The following EXOSC1 variants were observed in gnomAD, a reference collection of about 807,000 sequenced individuals.
EXOSC1 encodes exosome complex component CSL4.
Under a neutral mutation model 31.4 loss-of-function variants are expected in EXOSC1, and 27 were observed. The ratio of observed to expected loss-of-function variants is 0.86; its 90% CI spans 0.63 to 1.18. The LOEUF (loss-of-function observed/expected upper bound fraction) is 1.18. Among genes scored for constraint, EXOSC1 ranks in the 50% most tolerant of loss-of-function variants. The probability of loss-of-function intolerance (pLI) is 0.00; values close to 1 mark genes in which losing one functional copy is unlikely to be tolerated. For missense variants in EXOSC1, 228 were observed against 250.3 expected (o/e 0.91, Z 0.60); for synonymous variants, 84 against 89.5 (o/e 0.94, Z 0.35).
At chr10:97,440,932 G>A (rs779859859) in intron 4 of EXOSC1, 2 of 330,402 alleles carry the variant, frequency 6.1e-6, no homozygotes, top group Non-Finnish European at 1.1e-5. Flanking sequence ...GATAACAGGC[G>A]TGAGCCACCG....
At chr10:97,438,168 T>C (rs1845606037) in intron 5 of EXOSC1, among the ~76,000 whole-genome samples, 1 of 152,078 alleles carries the variant, frequency 6.6e-6, no homozygotes, top group South Asian at 2.1e-4. Context: ...CCGCCCACCT[T>C]GGCCTCCCAA....
rs763331706 is a variant in EXOSC1 at position 97,437,736 on chromosome 10, CTT to C, written c.358_359del (p.Lys120GlufsTer6). Reference protein sequence around the residue: ...ATEKDKVEIYKSFRPGDIVLA... With the variant: ...ATEKDKVEIYXSFRPGDIVLA... Reference sequence around the variant, plus strand: ...AGACAATGTCACCTGGGCGGAAACTCTTATAAATTTCAACCTGTAAAGAAAGA... The same window carrying C: ...AGACAATGTCACCTGGGCGGAAACTCATAAATTTCAACCTGTAAAGAAAGA... On this transcript the variant is annotated frameshift_variant, in exon 6 of 8. Transcript: ENST00000370902. LOFTEE classifies it high-confidence loss of function. 14 of 1,613,158 alleles carry C rather than the reference CTT, an allele frequency of 8.7e-6. No individual in the cohort carries two copies. Among genetic ancestry groups the C allele is most frequent in the South Asian group, 2.2e-5 (2 of 91,074 alleles).
chr10:97,437,869 C>A, intron 5 of EXOSC1, 119 bp from the exon 6 acceptor site: 1 of 827,912 alleles, frequency 1.2e-6, no homozygotes. Context: ...ATCATCATTA[C>A]TCATGTCAAG....
At chr10:97,437,662 T>C (rs780618031) in intron 6 of EXOSC1, 38 bp downstream of exon 6, 3 of 1,603,970 alleles carry the variant, frequency 1.9e-6, no homozygotes, top group East Asian at 2.2e-5. Context: ...TCTCTTCTTT[T>C]GACAAAGGAC....
At chr10:97,443,203 G>C in intron 3 of EXOSC1, 34 bp downstream of exon 3, 1 of 1,562,052 alleles carries the variant, frequency 6.4e-7, no homozygotes, top group South Asian at 1.1e-5. Flanking sequence ...GTATTGAATG[G>C]GCATTCTAAG....
In EXOSC1 at chr10:97,441,263, C is replaced by T. The variant is rs761432264; in HGVS notation, c.223-4G>A. The T allele has an allele frequency of 2.3e-5, 37 of 1,613,016 alleles. No homozygotes were observed. The highest frequency in any genetic ancestry group is 1.6e-4 in the Middle Eastern group (1 of 6,082). On this transcript the variant is annotated splice_polypyrimidine_tract_variant and splice_region_variant and intron_variant, in intron 3 of 7. Transcript: ENST00000370902. ...AGCGTGAATTGATGCTAGAGACCTG[C>T]GGAATAGAGAAAAGATCAGCATCAG...
intron 5 of EXOSC1, among the ~76,000 whole-genome samples, chr10:97,438,258 C>A (rs2133144566): frequency 6.6e-6 from 1 of 151,946 alleles, no homozygotes. Flanking sequence ...CACTGTGTCA[C>A]CCAGGCTGGA....
At chr10:97,445,491 G>A (rs1235346716) in intron 2 of EXOSC1, 6 of 563,128 alleles carry the variant, frequency 1.1e-5, no homozygotes, top group Admixed American at 3.1e-5. Flanking sequence ...TACTGAGTTC[G>A]CATCTGCTTT....
intron 3 of EXOSC1, among the ~76,000 whole-genome samples, chr10:97,441,874 TAA>T (rs1006887767): frequency 1.0e-4 from 11 of 105,850 alleles, no homozygotes; most frequent in Middle Eastern, 4.5e-3. Context: ...GGCTAACAAT[TAA>T]AAAAAAAAAA....
chr10:97,441,083 T>G, intron 4 of EXOSC1, 88 bp downstream of exon 4: 1 of 1,057,180 alleles, frequency 9.5e-7, no homozygotes, highest in Non-Finnish European at 1.4e-6. Context: ...AAAATAGGAA[T>G]TGTAACTGTT....
At chr10:97,438,616 T>G (rs564259394) in intron 5 of EXOSC1, 54 bp downstream of exon 5, 1 of 1,554,164 alleles carries the variant, frequency 6.4e-7, no homozygotes, top group Admixed American at 1.8e-5. Flanking sequence ...GAGATAATAC[T>G]TTTAAGGGAT....
Position 97,436,180 on chromosome 10 carries a change from GTATT to G in EXOSC1, c.*261_*264del. ...AAAGTTTTATCATAGCAAAAAATAT[GTATT>G]TATAAGGACTGTCAGGAGGGATAGG... On this transcript the variant is annotated 3_prime_UTR_variant, in exon 8 of 8. Coordinates refer to ENST00000370902, the MANE Select transcript of EXOSC1 (RefSeq NM_016046.5). 5.8e-6 allele frequency: 2 copies of G among 342,690 alleles called. No homozygotes were observed. Among genetic ancestry groups the G allele is most frequent in the South Asian group, 5.7e-5 (2 of 35,216 alleles). The allele number at this position is 342,690 out of a possible 1,614,324, so 21.2% of individuals were successfully genotyped here.
chr10:97,438,017 T>C (rs997737223), intron 5 of EXOSC1, among the ~76,000 whole-genome samples: 1 of 151,948 alleles, frequency 6.6e-6, no homozygotes, highest in African/African-American at 2.4e-5. Context: ...CCTCCCGGGT[T>C]CAAGCGATTC....
intron 6 of EXOSC1, 79 bp downstream of exon 6, chr10:97,437,621 T>A (rs1845582226): frequency 1.4e-5 from 19 of 1,383,452 alleles, no homozygotes; most frequent in South Asian, 2.3e-5. Flanking sequence ...GTGCTGGGAT[T>A]ACAGGCATGA....
intron 3 of EXOSC1, among the ~76,000 whole-genome samples, chr10:97,441,853 A>T: frequency 6.9e-6 from 1 of 144,662 alleles, no homozygotes; most frequent in Non-Finnish European, 1.5e-5. Flanking sequence ...TAGACTTTTT[A>T]AAGTATAGAT....
At chr10:97,444,906 C>G (rs1184573436) in intron 2 of EXOSC1, 1 of 152,170 alleles carries the variant, frequency 6.6e-6, no homozygotes, top group Non-Finnish European at 1.5e-5. Flanking sequence ...CTCACACATT[C>G]AACATTTATT....
intron 2 of EXOSC1, chr10:97,444,429 C>T (rs1159513844): frequency 2.0e-5 from 3 of 152,240 alleles, no homozygotes; most frequent in Non-Finnish European, 4.4e-5. Context: ...CTCCACCCAC[C>T]TGACTCTTAC....
chr10:97,437,750 C>T lies in EXOSC1; in HGVS notation c.346G>A (p.Val116Ile), dbSNP rs751220095. ...GGGCGGAAACTCTTATAAATTTCAA[C>T]CTGTAAAGAAAGAACAGGAATGTTA... ...EDVRATEKDK[V>I]EIYKSFRPGD... The change falls in exon 6 of 8, where the codon GTT becomes ATT. Residue 116 changes from valine to isoleucine, a missense_variant and splice_region_variant. Physicochemically the swap from Val to Ile is conservative, Grantham distance 29 (BLOSUM62 3). Coordinates refer to ENST00000370902, the MANE Select transcript of EXOSC1 (RefSeq NM_016046.5). 5 of 1,612,630 alleles carry T rather than the reference C, an allele frequency of 3.1e-6. No individual in the cohort carries two copies. The Admixed American group carries it at 5.0e-5, about 16-fold the overall frequency.
chr10:97,438,104 A>G (rs992314276), intron 5 of EXOSC1, among the ~76,000 whole-genome samples: 1 of 151,996 alleles, frequency 6.6e-6, no homozygotes, highest in African/African-American at 2.4e-5. Context: ...TTTTTAGTAG[A>G]GACGGGGTTT....
Sources: allele counts gnomAD v4.1 joint callset (sites outside exome capture counted in the v4.1 genomes callset), GRCh38; gene constraint gnomAD v4.1.1; transcripts MANE v1.5; gene names NCBI Gene and HGNC (gene_info 2026-07-23, HGNC 2026-07-21).